The following TSNARE1 variants were observed in gnomAD, a reference collection of about 807,000 sequenced individuals.
TSNARE1 encodes the protein t-SNARE domain containing 1, also known as t-SNARE domain-containing protein 1.
TSNARE1 carries 49 observed loss-of-function variants against 62.0 expected under a neutral mutation model. The observed-to-expected ratio is 0.79, with a 90% confidence interval of 0.63 to 1.00. The LOEUF is 1.00. Ranked by LOEUF, TSNARE1 falls within the 50% of genes least tolerant of loss-of-function variation. TSNARE1 has a pLI of 0.00. For synonymous variants in TSNARE1, 328 were observed against 294.4 expected, an observed-to-expected ratio of 1.11 and a Z score of -1.17; for missense variants, 755 against 700.1, an observed-to-expected ratio of 1.08 and a Z score of -0.88.
At chr8:142,265,633 A>G (rs1819098194) in intron 12 of TSNARE1, among the ~76,000 whole-genome samples, 2 of 152,196 alleles carry the variant, frequency 1.3e-5, no homozygotes, top group African/African-American at 2.4e-5. Flanking sequence ...GTTGTGTTGT[A>G]TAGTAAGTGT....
intron 1 of TSNARE1, among the ~76,000 whole-genome samples, chr8:142,379,168 G>T (rs1012541309): frequency 1.3e-5 from 2 of 152,216 alleles, no homozygotes; most frequent in Admixed American, 1.3e-4. Context: ...CAGCAGATGC[G>T]GCCTCAAATG....
chr8:142,300,565 T>C lies in TSNARE1; in HGVS notation c.1211A>G (p.Glu404Gly). 1 of 1,613,200 alleles carries C rather than the reference T, an allele frequency of 6.2e-7. No homozygotes were observed. The highest frequency in any genetic ancestry group is 2.2e-5 in the East Asian group (1 of 44,872). ...NGSDNMWQGQ[E>G]QALLPDITEE... is the part of the protein sequence containing the mutation. Reference sequence around the variant, plus strand: ...AGTGATGTCCGGGAGCAGCGCCTGCTCCTGGCCCTGCCACATGTTGTCACT... The same window carrying C: ...AGTGATGTCCGGGAGCAGCGCCTGCCCCTGGCCCTGCCACATGTTGTCACT... Residue 404 changes from glutamate (E) to glycine (G), a missense_variant, in exon 10 of 14, where the codon GAG becomes GGG. Physicochemically the swap from Glu to Gly is moderately conservative, Grantham distance 98 (BLOSUM62 -2). Transcript: ENST00000524325.
At chr8:142,296,748 C>T (rs1824825349) in intron 10 of TSNARE1, among the ~76,000 whole-genome samples, 1 of 151,864 alleles carries the variant, frequency 6.6e-6, no homozygotes, top group Non-Finnish European at 1.5e-5. Flanking sequence ...GGGCAGGGTG[C>T]TCAGGGGCAC....
chr8:142,360,729 C>T (rs1835091943), intron 1 of TSNARE1, among the ~76,000 whole-genome samples: 1 of 152,124 alleles, frequency 6.6e-6, no homozygotes, highest in South Asian at 2.1e-4. Flanking sequence ...CCACCTCAGG[C>T]GTGCCACCAC....
chr8:142,348,031 G>A (rs2130528777), intron 2 of TSNARE1, among the ~76,000 whole-genome samples: 1 of 152,354 alleles, frequency 6.6e-6, no homozygotes, highest in East Asian at 1.9e-4. Context: ...ACATGGCAGG[G>A]ACAGGCCTGG....
At chr8:142,281,826 G>A (rs1031637257) in intron 11 of TSNARE1, among the ~76,000 whole-genome samples, 4 of 140,570 alleles carry the variant, frequency 2.8e-5, no homozygotes, top group African/African-American at 1.1e-4. Context: ...CCTTGCCCCA[G>A]GTGAGGTTTC....
intron 4 of TSNARE1, among the ~76,000 whole-genome samples, chr8:142,334,731 AAACATAAG>A (rs2132096665): frequency 6.6e-6 from 1 of 152,336 alleles, no homozygotes; most frequent in South Asian, 2.1e-4. Flanking sequence ...GAGGAAGAAA[AAACATAAG>A]AAGGACTTGA....
chr8:142,227,026 A>G (rs1253997929), intron 13 of TSNARE1, among the ~76,000 whole-genome samples: 1 of 125,692 alleles, frequency 8.0e-6, no homozygotes, highest in Non-Finnish European at 1.6e-5. Flanking sequence ...CAAGCCCCCC[A>G]CTGCACCCAC....
intron 1 of TSNARE1, among the ~76,000 whole-genome samples, chr8:142,361,876 G>A (rs1451710427): frequency 6.6e-6 from 1 of 152,202 alleles, no homozygotes; most frequent in Non-Finnish European, 1.5e-5. Flanking sequence ...ACCGCCGGGA[G>A]CCCTCAGCCG....
chr8:142,344,375 C>A lies in TSNARE1; in HGVS notation c.336G>T (p.Arg112=). Residue 112 remains arginine, a synonymous_variant, in exon 4 of 14, where the codon CGG becomes CGT. Transcript: ENST00000524325. ...RKDSAAGPHG[R]MAGPSTTRAK... is the part of the protein sequence containing the mutation. ...CCCGGGTAGTGCTGGGCCCCGCCAT[C>A]CGGCCATGGGGCCCAGCAGCCGAGT... 1 of 1,573,234 alleles carries A rather than the reference C, an allele frequency of 6.4e-7. No individual in the cohort carries two copies. The highest frequency in any genetic ancestry group is 8.6e-7 in the Non-Finnish European group (1 of 1,164,058).
chr8:142,273,673 A>T, intron 12 of TSNARE1: 2 of 985,400 alleles, frequency 2.0e-6, no homozygotes, highest in Non-Finnish European at 2.4e-6. Flanking sequence ...AACTGGGATC[A>T]GCCTCCCCGT....
upstream of TSNARE1, among the ~76,000 whole-genome samples, chr8:142,403,411 T>C (rs1184263994): frequency 1.3e-5 from 2 of 151,958 alleles, no homozygotes; most frequent in African/African-American, 2.4e-5. Context: ...GTTTTGCATA[T>C]GGGGATGACG....
intron 6 of TSNARE1, among the ~76,000 whole-genome samples, chr8:142,327,763 C>A (rs994875030): frequency 1.2e-4 from 18 of 152,356 alleles, no homozygotes; most frequent in African/African-American, 3.8e-4. Context: ...CGGTGCTCAA[C>A]AATCGTCATC....
At chr8:142,310,957 C>A (rs1827481064) in intron 9 of TSNARE1, among the ~76,000 whole-genome samples, 1 of 152,164 alleles carries the variant, frequency 6.6e-6, no homozygotes, top group South Asian at 2.1e-4. Context: ...TCAAGCAATT[C>A]TCGGCCTCAG....
At position 142,344,228 on chromosome 8, in the gene TSNARE1, G is replaced by T. The variant is rs764277036; in HGVS notation, c.483C>A (p.Tyr161Ter). The change falls in exon 4 of 14, where the codon TAC (tyrosine) becomes TAA (stop). Residue 161 changes from tyrosine (Y) to a stop codon, truncating the protein, a stop_gained. Coordinates refer to ENST00000524325, the MANE Select transcript of TSNARE1 (RefSeq NM_145003.5). LOFTEE classifies it high-confidence loss of function. Reference sequence around the variant, plus strand: ...CCTGCAGGATGCGGCTCCACACGCGGTACCTGCGAGTGGGCTCGGCCTTCA... The same window carrying T: ...CCTGCAGGATGCGGCTCCACACGCGTTACCTGCGAGTGGGCTCGGCCTTCA... ...GLLKAEPTRR[Y>*]RVWSRILQAV... The T allele has an allele frequency of 6.2e-7, 1 of 1,613,218 alleles. No homozygotes were observed.
At chr8:142,232,868 A>G (rs1366670730) in intron 12 of TSNARE1, among the ~76,000 whole-genome samples, 5 of 152,030 alleles carry the variant, frequency 3.3e-5, no homozygotes, top group African/African-American at 1.2e-4. Flanking sequence ...CCCCTCCCCG[A>G]CCCCAACTTC....
chr8:142,370,118 G>A (rs1835822058), intron 1 of TSNARE1, among the ~76,000 whole-genome samples: 1 of 152,200 alleles, frequency 6.6e-6, no homozygotes, highest in South Asian at 2.1e-4. Context: ...GCCCCATCTA[G>A]GAACTAGGAC....
intron 12 of TSNARE1, among the ~76,000 whole-genome samples, chr8:142,268,774 G>C (rs528623784): frequency 6.6e-6 from 1 of 152,158 alleles, no homozygotes; most frequent in Non-Finnish European, 1.5e-5. Flanking sequence ...AAACACAAGC[G>C]TGATGGGGGG....
At chr8:142,366,265 T>A (rs938070517) in intron 1 of TSNARE1, among the ~76,000 whole-genome samples, 2 of 152,164 alleles carry the variant, frequency 1.3e-5, no homozygotes, top group Non-Finnish European at 2.9e-5. Flanking sequence ...CTCGATCTCC[T>A]GACCTCATGA....
Sources: allele counts gnomAD v4.1 joint callset (sites outside exome capture counted in the v4.1 genomes callset), GRCh38; gene constraint gnomAD v4.1.1; transcripts MANE v1.5; gene names NCBI Gene and HGNC (gene_info 2026-07-23, HGNC 2026-07-21).